Variants in OTOA observed in about 807,000 individuals in gnomAD.
OTOA encodes the protein otoancorin.
A neutral mutation model predicts 110.8 loss-of-function variants in OTOA; 70 were observed. The ratio of observed to expected loss-of-function variants is 0.63; its 90% CI spans 0.52 to 0.77. OTOA has a LOEUF of 0.77. OTOA is among the 30% of genes least tolerant of loss of function. The pLI is 0.00. For synonymous variants in OTOA, 373 were observed against 431.5 expected (o/e 0.86, Z 1.68); for missense variants, 917 against 1,075.8 (o/e 0.85, Z 2.06).
chr16:21,726,467 G>A, intron 18 of OTOA, 56 bp from the exon 19 acceptor site: 1 of 1,609,678 alleles, frequency 6.2e-7, no homozygotes, highest in Non-Finnish European at 8.5e-7. Context: ...CCTGATTTTA[G>A]GGGCCAACAG....
intron 24 of OTOA, among the ~76,000 whole-genome samples, chr16:21,750,155 C>T (rs974233218): frequency 6.6e-6 from 1 of 152,280 alleles, no homozygotes; most frequent in African/African-American, 2.4e-5. Context: ...TGGCTCATAC[C>T]TGTAGTCCTA....
intron 27 of OTOA, among the ~76,000 whole-genome samples, chr16:21,756,823 G>A (rs1448435982): frequency 6.7e-6 from 1 of 149,038 alleles, no homozygotes; most frequent in African/African-American, 2.5e-5. Context: ...TTTATTTTGC[G>A]GCTCCTATTT....
In OTOA at chr16:21,705,310, G is replaced by T. The variant is rs1404818912; in HGVS notation, c.1104+18G>T. On this transcript the variant is annotated intron_variant, in intron 12 of 28. Transcript: ENST00000646100. Reference sequence around the variant, plus strand: ...TCCAGAAGGTACAGCTGGGGTGCAAGGCCCTGAGGCCTCTGCCTCAGTGTC... The same window carrying T: ...TCCAGAAGGTACAGCTGGGGTGCAATGCCCTGAGGCCTCTGCCTCAGTGTC... The T allele has an allele frequency of 6.2e-7, 1 of 1,613,376 alleles. No individual in the cohort carries two copies.
chr16:21,759,776 C>T (rs990314136), intron 28 of OTOA, among the ~76,000 whole-genome samples: 2 of 151,968 alleles, frequency 1.3e-5, no homozygotes, highest in African/African-American at 4.8e-5. Context: ...TGGCACATGC[C>T]TTAGTCCCAG....
At chr16:21,692,327 GA>G (rs769539682) in intron 9 of OTOA, among the ~76,000 whole-genome samples, 119 of 133,408 alleles carry the variant, frequency 8.9e-4, no homozygotes, top group Non-Finnish European at 8.6e-4. Flanking sequence ...ACTCCGTCTC[GA>G]AAAAAAAAAA....
At chr16:21,738,823 C>G (rs1398018295) in intron 22 of OTOA, among the ~76,000 whole-genome samples, 1 of 152,300 alleles carries the variant, frequency 6.6e-6, no homozygotes, top group African/African-American at 2.4e-5. Context: ...GATTTCCAGG[C>G]TTGGGTGTTC....
chr16:21,671,976 A>T (rs998776116), intron 1 of OTOA, among the ~76,000 whole-genome samples: 4 of 152,028 alleles, frequency 2.6e-5, no homozygotes, highest in East Asian at 1.9e-4. Flanking sequence ...TACAAAAAAA[A>T]TTTTTCCATC....
At chr16:21,716,846 C>T (rs1898569251) in intron 14 of OTOA, 61 bp from the exon 15 acceptor site, 1 of 1,603,216 alleles carries the variant, frequency 6.2e-7, no homozygotes, top group Non-Finnish European at 8.5e-7. Flanking sequence ...AGTGCCTGGC[C>T]CTTCCTCAAA....
At chr16:21,714,173 A>G (rs560010230) in intron 13 of OTOA, among the ~76,000 whole-genome samples, 1 of 152,052 alleles carries the variant, frequency 6.6e-6, no homozygotes, top group South Asian at 2.1e-4. Context: ...TAAAGGAAGG[A>G]AAAAAAACCC....
At position 21,719,170 on chromosome 16, in the gene OTOA, G is replaced by A; in HGVS notation, c.1667G>A (p.Arg556Lys). 1 of 1,614,112 alleles carries A rather than the reference G, an allele frequency of 6.2e-7. No individual in the cohort carries two copies. The highest frequency in any genetic ancestry group is 8.5e-7 in the Non-Finnish European group (1 of 1,180,032). Residue 556 changes from arginine to lysine, a missense_variant, in exon 16 of 29, where the codon AGA becomes AAA. Arg to Lys is a conservative substitution (Grantham distance 26). Around this residue, in one of 6 missense-constraint regions of OTOA, gnomAD observed 840 missense variants for 910.2 expected, o/e 0.92. Transcript: ENST00000646100. The part of the protein sequence containing the change: ...FLYELLLKTT[R>K]RPEELLSAGQ... ...TATGAGCTTCTGTTAAAGACCACCA[G>A]AAGGCCTGAGGAGCTTTTGAGGTAG... is the stretch of plus-strand genomic sequence containing the variant.
intron 1 of OTOA, among the ~76,000 whole-genome samples, chr16:21,665,815 A>G (rs1396775306): frequency 6.6e-6 from 1 of 151,396 alleles, no homozygotes; most frequent in Non-Finnish European, 1.5e-5. Context: ...CCAAGCTCCC[A>G]TCCCCTTGAC....
intron 13 of OTOA, among the ~76,000 whole-genome samples, chr16:21,713,368 G>C (rs1414375383): frequency 1.3e-5 from 2 of 152,200 alleles, no homozygotes; most frequent in African/African-American, 4.8e-5. Context: ...GTGGGAACTG[G>C]AGCAGGATGT....
intron 17 of OTOA, 54 bp from the exon 18 acceptor site, chr16:21,722,849 CTG>C: frequency 6.7e-7 from 1 of 1,488,190 alleles, no homozygotes; most frequent in Non-Finnish European, 9.4e-7. Context: ...ATGGAAAGCA[CTG>C]TGTTTGTTCT....
intron 27 of OTOA, among the ~76,000 whole-genome samples, chr16:21,756,753 C>T (rs1899998651): frequency 6.6e-6 from 1 of 151,586 alleles, no homozygotes; most frequent in African/African-American, 2.4e-5. Context: ...TCCAAGAGGC[C>T]AGGGGTTCAG....
intron 9 of OTOA, among the ~76,000 whole-genome samples, chr16:21,692,778 A>G (rs982603874): frequency 8.6e-5 from 13 of 151,234 alleles, no homozygotes; most frequent in African/African-American, 2.4e-4. Flanking sequence ...AATACAAAAA[A>G]TTAGCCTGGC....
At chr16:21,750,304 T>G (rs1164768844) in intron 24 of OTOA, among the ~76,000 whole-genome samples, 2 of 132,612 alleles carry the variant, frequency 1.5e-5, no homozygotes, top group African/African-American at 2.8e-5. Flanking sequence ...TCCCAGCTAC[T>G]GGGGAGGCTG....
At chr16:21,721,636 T>G in intron 17 of OTOA, 2 of 378,960 alleles carry the variant, frequency 5.3e-6, no homozygotes, top group Non-Finnish European at 1.1e-5. Flanking sequence ...TGCCTGTAAT[T>G]CTAGCACTTT....
chr16:21,724,780 A>AATTT (rs1166280652), intron 18 of OTOA, among the ~76,000 whole-genome samples: 11 of 150,398 alleles, frequency 7.3e-5, no homozygotes, highest in South Asian at 2.1e-4. Context: ...TTAATTAATT[A>AATTT]ATTTATTTAT....
At chr16:21,734,387 G>A (rs1203604389) in intron 21 of OTOA, among the ~76,000 whole-genome samples, 1 of 149,938 alleles carries the variant, frequency 6.7e-6, no homozygotes, top group Non-Finnish European at 1.5e-5. Flanking sequence ...AAAGGTGGGA[G>A]GAGGGAGAAG....
Sources: allele counts gnomAD v4.1 joint callset (sites outside exome capture counted in the v4.1 genomes callset), GRCh38; gene constraint gnomAD v4.1.1; regional missense constraint gnomAD v4.1.1; transcripts MANE v1.5; gene names NCBI Gene and HGNC (gene_info 2026-07-23, HGNC 2026-07-21).